The following ST3GAL3 variants were observed in gnomAD, a reference collection of about 807,000 sequenced individuals.
ST3GAL3 encodes ST3 beta-galactoside alpha-2,3-sialyltransferase 3.
In ST3GAL3, 21 loss-of-function variants were observed where a neutral mutation model predicts 50.1. The ratio of observed to expected loss-of-function variants is 0.42; its 90% CI spans 0.30 to 0.60. The LOEUF (loss-of-function observed/expected upper bound fraction) is 0.60. ST3GAL3 is among the 20% of genes least tolerant of loss of function. ST3GAL3 has a pLI of 0.19. For missense variants in ST3GAL3, 353 were observed against 489.4 expected (o/e 0.72, Z 2.63); for synonymous variants, 183 against 190.0 (o/e 0.96, Z 0.30).
chr1:43,921,079 C>A, intron 11 of ST3GAL3, 151 bp downstream of exon 11: 1 of 918,854 alleles, frequency 1.1e-6, no homozygotes, highest in Non-Finnish European at 1.7e-6. Context: ...CTCTCCACAG[C>A]CTCCCACTGA....
intron 5 of ST3GAL3, among the ~76,000 whole-genome samples, chr1:43,882,375 T>C (rs1409147175): frequency 6.6e-6 from 1 of 152,042 alleles, no homozygotes; most frequent in Admixed American, 6.6e-5. Flanking sequence ...GCTGGAGAGG[T>C]AGACAGGAGC....
intron 5 of ST3GAL3, among the ~76,000 whole-genome samples, chr1:43,846,677 T>G (rs1298472712): frequency 6.6e-6 from 1 of 152,210 alleles, no homozygotes; most frequent in African/African-American, 2.4e-5. Flanking sequence ...TTTTGTATTT[T>G]TTGTAGAGAC....
intron 2 of ST3GAL3, among the ~76,000 whole-genome samples, chr1:43,780,284 TGAG>T (rs771368558): frequency 2.0e-5 from 3 of 152,212 alleles, no homozygotes; most frequent in Non-Finnish European, 4.4e-5. Context: ...GTGTTCCTCT[TGAG>T]GAGTCTTAAT....
intron 5 of ST3GAL3, among the ~76,000 whole-genome samples, chr1:43,861,709 T>G (rs925336834): frequency 6.6e-6 from 1 of 152,156 alleles, no homozygotes; most frequent in Admixed American, 6.6e-5. Context: ...CAACCTGGAG[T>G]GCTTCTCCAT....
At chr1:43,788,285 G>C (rs2057601098) in intron 2 of ST3GAL3, among the ~76,000 whole-genome samples, 1 of 152,164 alleles carries the variant, frequency 6.6e-6, no homozygotes, top group Non-Finnish European at 1.5e-5. Flanking sequence ...AGGACTGCTT[G>C]TGAGTACAAA....
At chr1:43,784,727 G>A (rs147695328) in intron 2 of ST3GAL3, among the ~76,000 whole-genome samples, 171 of 152,298 alleles carry the variant, frequency 1.1e-3, no homozygotes, top group Middle Eastern at 3.4e-3. Flanking sequence ...GAAACTTCTT[G>A]ACATAAGTAT....
intron 4 of ST3GAL3, 184 bp downstream of exon 4, chr1:43,815,117 A>T (rs1049158557): frequency 2.9e-6 from 2 of 688,256 alleles, no homozygotes; most frequent in African/African-American, 3.6e-5. Context: ...AGAGGGTGGG[A>T]TGATGGGTGC....
chr1:43,734,957 G>A (rs1677747341), intron 1 of ST3GAL3, among the ~76,000 whole-genome samples: 1 of 151,918 alleles, frequency 6.6e-6, no homozygotes, highest in African/African-American at 2.4e-5. Context: ...TACATCAAAG[G>A]ATGCATAGCA....
chr1:43,918,149 C>T (rs1485221951), intron 9 of ST3GAL3, among the ~76,000 whole-genome samples: 1 of 116,244 alleles, frequency 8.6e-6, no homozygotes, highest in African/African-American at 3.3e-5. Flanking sequence ...GAGGGTCTCA[C>T]TCTGTCACCC....
chr1:43,751,866 C>T lies in ST3GAL3; in HGVS notation c.118+15486C>T, dbSNP rs144831897. ...GAGACGGAGGTTCTCGTCACCCAGG[C>T]TGGAGTGCAGTGGCGCGATCTCGGC... On this transcript the variant is annotated intron_variant, in intron 2 of 11. Transcript: ENST00000347631. Among the ~76,000 whole-genome samples, 806 of 152,172 alleles carry T rather than the reference C, an allele frequency of 5.3e-3. 16 individuals carry two copies. Among genetic ancestry groups the T allele is most frequent in the African/African-American group, 0.018 (749 of 41,532 alleles).
At chr1:43,710,219 C>T (rs995000983) in intron 1 of ST3GAL3, among the ~76,000 whole-genome samples, 7 of 151,912 alleles carry the variant, frequency 4.6e-5, no homozygotes, top group East Asian at 3.9e-4. Flanking sequence ...GTAGCTGGGA[C>T]GACAGGCGTG....
chr1:43,717,364 T>C (rs1307858570), intron 1 of ST3GAL3, among the ~76,000 whole-genome samples: 3 of 152,340 alleles, frequency 2.0e-5, no homozygotes, highest in East Asian at 1.9e-4. Flanking sequence ...TTCTAAAATA[T>C]GTCTTTCCTT....
At chr1:43,740,819 A>G (rs1268618736) in intron 2 of ST3GAL3, among the ~76,000 whole-genome samples, 2 of 147,416 alleles carry the variant, frequency 1.4e-5, no homozygotes, top group Non-Finnish European at 2.9e-5. Context: ...TTGTCTTAAG[A>G]AAGAAAGAGA....
chr1:43,800,564 G>A (rs2059198611), intron 3 of ST3GAL3, among the ~76,000 whole-genome samples: 1 of 152,134 alleles, frequency 6.6e-6, no homozygotes, highest in Admixed American at 6.5e-5. Flanking sequence ...GAGTCATTGT[G>A]GGCATAACGT....
intron 1 of ST3GAL3, among the ~76,000 whole-genome samples, chr1:43,732,404 G>T (rs958553663): frequency 6.6e-6 from 1 of 152,228 alleles, no homozygotes; most frequent in African/African-American, 2.4e-5. Flanking sequence ...CGTGATCACT[G>T]CTCTTGTAGG....
intron 4 of ST3GAL3, among the ~76,000 whole-genome samples, chr1:43,823,540 C>T (rs1275644729): frequency 6.6e-6 from 1 of 152,162 alleles, no homozygotes; most frequent in Admixed American, 6.5e-5. Context: ...TTGCCCATCC[C>T]ATTTAAAATC....
intron 4 of ST3GAL3, among the ~76,000 whole-genome samples, chr1:43,816,248 C>T (rs1227824300): frequency 6.6e-6 from 1 of 152,138 alleles, no homozygotes. Context: ...GACATCAAAC[C>T]AGGGGCTGGT....
At position 43,772,143 on chromosome 1, in the gene ST3GAL3, G is replaced by A. The variant is rs549512563; in HGVS notation, c.119-19959G>A. 93 of 397,220 alleles carry A rather than the reference G, an allele frequency of 2.3e-4. No homozygotes were observed. The East Asian group carries it at 3.1e-3, about 13-fold the overall frequency. 24.6% of individuals were successfully genotyped at this position (397,220 alleles called of 1,614,324 possible). A position where few individuals can be genotyped will look rare whatever the true frequency, so the allele number is the denominator to read the frequency against. On this transcript the variant is annotated intron_variant, in intron 2 of 11. Transcript: ENST00000347631. ...CTGCTCACCGCAACCTCCGCCTCCC[G>A]GGTTCAAGCGATTCTCCTGCCTCAG...
At chr1:43,724,514 C>G (rs1324836032) in intron 1 of ST3GAL3, among the ~76,000 whole-genome samples, 1 of 151,488 alleles carries the variant, frequency 6.6e-6, no homozygotes, top group Non-Finnish European at 1.5e-5. Context: ...TATTTTTAAA[C>G]AAACTCTGCT....
Sources: allele counts gnomAD v4.1 joint callset (sites outside exome capture counted in the v4.1 genomes callset), GRCh38; gene constraint gnomAD v4.1.1; transcripts MANE v1.5; gene names NCBI Gene and HGNC (gene_info 2026-07-23, HGNC 2026-07-21).